The following RUNX1T1 variants were observed in gnomAD, a reference collection of about 807,000 sequenced individuals.
RUNX1T1 encodes RUNX1 partner transcriptional co-repressor 1.
RUNX1T1 carries 4 observed loss-of-function variants against 62.8 expected under a neutral mutation model. The observed-to-expected ratio is 0.06, with a 90% CI of 0.03 to 0.15. The LOEUF is 0.15. Ranked by LOEUF, RUNX1T1 falls within the 10% of genes least tolerant of loss-of-function variation. The pLI is 1.00. For missense variants in RUNX1T1, 508 were observed against 754.3 expected, an observed-to-expected ratio of 0.67 and a Z score of 3.82; for synonymous variants, 291 against 286.0, an observed-to-expected ratio of 1.02 and a Z score of -0.18.
intron 4 of RUNX1T1, 65 bp from the exon 6 acceptor site, chr8:92,005,362 C>G: frequency 6.9e-7 from 1 of 1,456,810 alleles, no homozygotes; most frequent in Non-Finnish European, 9.4e-7. Flanking sequence ...TTGACTTACT[C>G]TGCTTTTCGA....
At chr8:91,991,558 C>T in intron 6 of RUNX1T1, 81 bp downstream of exon 7, 1 of 1,421,896 alleles carries the variant, frequency 7.0e-7, no homozygotes, top group South Asian at 1.3e-5. Context: ...AGATTTCAAG[C>T]CTCAAGTTAA....
chr8:92,049,618 A>T (rs1829934122), intron 1 of RUNX1T1, among the ~76,000 whole-genome samples: 1 of 152,180 alleles, frequency 6.6e-6, no homozygotes, highest in Non-Finnish European at 1.5e-5. Flanking sequence ...TCTGTAGGCA[A>T]AACACAAAAC....
chr8:91,970,505 C>G (rs376080501), intron 10 of RUNX1T1, among the ~76,000 whole-genome samples, 153 bp downstream of exon 11: 1 of 152,194 alleles, frequency 6.6e-6, no homozygotes, highest in African/African-American at 2.4e-5. Flanking sequence ...ATGTGATCAG[C>G]TCTTGGCAAA....
Position 92,055,010 on chromosome 8 carries a change from A to G in RUNX1T1, c.7+7536T>C, listed in dbSNP as rs555680167. On this transcript the variant is annotated intron_variant, in intron 1 of 10. Coordinates refer to ENST00000396218, the Ensembl canonical transcript of RUNX1T1. ...ACAGAGTGAGACTCCGTCTCAAAAT[A>G]AATAAATAAATTAAAAAAATAAAAA... Among the ~76,000 whole-genome samples, 47 of 152,284 alleles carry G rather than the reference A, an allele frequency of 3.1e-4. 1 individual carries two copies. The South Asian group carries it at 9.1e-3, about 30-fold the overall frequency.
chr8:92,092,133 C>T (rs1193595783), intron 1 of RUNX1T1, among the ~76,000 whole-genome samples: 1 of 152,180 alleles, frequency 6.6e-6, no homozygotes, highest in Non-Finnish European at 1.5e-5. Context: ...CAAATTTCAC[C>T]AGTCTTCCTT....
chr8:92,098,418 C>T (rs1408281539), intron 1 of RUNX1T1, among the ~76,000 whole-genome samples: 6 of 152,160 alleles, frequency 3.9e-5, no homozygotes, highest in Non-Finnish European at 7.4e-5. Context: ...ACAGAACCTA[C>T]CTTCTACTTC....
rs529377614 is a variant in RUNX1T1 at position 92,044,160 on chromosome 8, C to T, written c.7+18386G>A. Reference sequence around the variant, plus strand: ...AAGCCCATGGTAAATAATGCACCTTCGCTACCTGCTCTTAAAAATCCTTGA... The same window carrying T: ...AAGCCCATGGTAAATAATGCACCTTTGCTACCTGCTCTTAAAAATCCTTGA... On this transcript the variant is annotated intron_variant, in intron 1 of 10. Coordinates refer to ENST00000396218, the Ensembl canonical transcript of RUNX1T1. Among the ~76,000 whole-genome samples, 28 of 152,212 alleles carry T rather than the reference C, an allele frequency of 1.8e-4. No individual in the cohort carries two copies. The South Asian group carries it at 2.3e-3, about 12-fold the overall frequency.
At chr8:91,982,269 A>C (rs958856758) in intron 8 of RUNX1T1, among the ~76,000 whole-genome samples, 3 of 151,624 alleles carry the variant, frequency 2.0e-5, no homozygotes, top group Admixed American at 6.6e-5. Context: ...AACCCTAACG[A>C]TGTGGAAGAC....
downstream of RUNX1T1, chr8:91,957,597 T>C (rs1809575364): frequency 4.3e-6 from 1 of 230,086 alleles, no homozygotes; most frequent in Non-Finnish European, 8.6e-6. Flanking sequence ...GTGTTAAGAA[T>C]AACAGTGCTG....
intron 10 of RUNX1T1, among the ~76,000 whole-genome samples, chr8:91,969,356 T>C (rs981740494): frequency 1.5e-4 from 23 of 152,174 alleles, no homozygotes; most frequent in African/African-American, 5.5e-4. Context: ...ACTCTTAACA[T>C]ACCTAACAGC....
At chr8:91,966,964 TG>T (rs1412926235) in intron 10 of RUNX1T1, among the ~76,000 whole-genome samples, 1 of 152,124 alleles carries the variant, frequency 6.6e-6, no homozygotes, top group Non-Finnish European at 1.5e-5. Context: ...ACTCCTGCCA[TG>T]TAGCTACTAA....
intron 8 of RUNX1T1, among the ~76,000 whole-genome samples, chr8:91,976,649 GT>G (rs1273232607): frequency 3.3e-5 from 5 of 152,188 alleles, no homozygotes; most frequent in Admixed American, 6.5e-5. Flanking sequence ...CTTACTAGGC[GT>G]CTCAAATTTT....
At chr8:92,043,356 CCTCT>C (rs1414946941) in intron 1 of RUNX1T1, among the ~76,000 whole-genome samples, 1 of 151,978 alleles carries the variant, frequency 6.6e-6, no homozygotes, top group African/African-American at 2.4e-5. Flanking sequence ...GAGTTCTTTT[CCTCT>C]CTGAGTCCCA....
chr8:92,073,141 T>C (rs1018699196), intron 2 of RUNX1T1, among the ~76,000 whole-genome samples: 1 of 152,186 alleles, frequency 6.6e-6, no homozygotes, highest in South Asian at 2.1e-4. Flanking sequence ...TGGCTTATGA[T>C]AGCAAGCTCC....
At chr8:92,040,250 G>A (rs1828194106) in intron 1 of RUNX1T1, among the ~76,000 whole-genome samples, 1 of 152,156 alleles carries the variant, frequency 6.6e-6, no homozygotes, top group Non-Finnish European at 1.5e-5. Flanking sequence ...AGAGCAAAGA[G>A]TTGATCATTA....
chr8:91,976,821 C>T (rs2130713633), intron 8 of RUNX1T1, among the ~76,000 whole-genome samples: 1 of 152,208 alleles, frequency 6.6e-6, no homozygotes, highest in East Asian at 1.9e-4. Context: ...TCATGTCTTC[C>T]ATATTGGATT....
chr8:92,010,964 G>T, intron 4 of RUNX1T1, 38 bp downstream of exon 5: 2 of 1,194,254 alleles, frequency 1.7e-6, no homozygotes, highest in Non-Finnish European at 2.5e-6. Context: ...CAACAATATG[G>T]TTTAAAATAC....
intron 1 of RUNX1T1, among the ~76,000 whole-genome samples, chr8:92,093,404 T>C (rs1330794998): frequency 6.6e-6 from 1 of 152,156 alleles, no homozygotes; most frequent in Non-Finnish European, 1.5e-5. Flanking sequence ...CTATGCAAAA[T>C]GTGTGAAAGG....
chr8:92,092,155 A>C (rs1837123193), intron 1 of RUNX1T1, among the ~76,000 whole-genome samples: 1 of 152,180 alleles, frequency 6.6e-6, no homozygotes, highest in Non-Finnish European at 1.5e-5. Flanking sequence ...CTTCTAGTTT[A>C]ATTCTCTCTG....
Sources: gnomAD v4.1 joint callset for allele counts (sites outside exome capture counted in the v4.1 genomes callset) on GRCh38, gnomAD v4.1.1 for gene constraint, MANE v1.5 for transcripts, NCBI Gene and HGNC (gene_info 2026-07-23, HGNC 2026-07-21) for gene names.